HINT3: variants seen among roughly 807,000 people sequenced by gnomAD.
The protein encoded by HINT3 is histidine triad nucleotide binding protein 3, also known as adenosine 5'-monophosphoramidase HINT3.
A neutral mutation model predicts 19.1 loss-of-function variants in HINT3; 16 were observed. That is an observed-to-expected ratio of 0.84 (90% CI 0.57 to 1.27). HINT3 has a LOEUF of 1.27. HINT3 is among the 50% of genes most tolerant of loss of function. HINT3 has a pLI of 0.00. For missense variants in HINT3, 197 were observed against 225.8 expected, an observed-to-expected ratio of 0.87 and a Z score of 0.82; for synonymous variants, 75 against 84.8, an observed-to-expected ratio of 0.88 and a Z score of 0.63.
intron 1 of HINT3, among the ~76,000 whole-genome samples, chr6:125,958,976 G>A (rs550854988): frequency 3.3e-5 from 5 of 152,276 alleles, no homozygotes; most frequent in Non-Finnish European, 7.4e-5. Flanking sequence ...TCTGGCTAGG[G>A]TAAACTAGTA....
At chr6:125,958,609 A>G (rs1583586899) in intron 1 of HINT3, among the ~76,000 whole-genome samples, 2 of 152,248 alleles carry the variant, frequency 1.3e-5, no homozygotes, top group Non-Finnish European at 2.9e-5. Context: ...TAAGGGATAC[A>G]GTATTCAGGA....
At position 125,962,231 on chromosome 6, in the gene HINT3, T is replaced by TACAC. The variant is rs1474657877; in HGVS notation, c.202-4655_202-4654insCACA. 2.6e-4 allele frequency among the ~76,000 whole-genome samples: 8 copies of TACAC among 30,302 alleles called. 2 individuals are homozygous for TACAC. The highest frequency in any genetic ancestry group is 1.1e-3 in the African/African-American group (4 of 3,574). The allele number at this position is 30,302 out of a possible 152,430, so 19.9% of individuals were successfully genotyped here. On this transcript the variant is annotated intron_variant, in intron 1 of 4. Transcript: ENST00000229633. ...ATATACACATATATATATATATATA[T>TACAC]ATACACATATATATATATACACACA...
intron 2 of HINT3, among the ~76,000 whole-genome samples, chr6:125,968,899 C>A (rs574929075): frequency 2.9e-4 from 44 of 152,088 alleles, no homozygotes; most frequent in African/African-American, 1.0e-3. Context: ...ATTTACAGAT[C>A]CGGGATATTG....
intron 1 of HINT3, among the ~76,000 whole-genome samples, chr6:125,958,782 C>G (rs1374744412): frequency 6.6e-6 from 1 of 152,076 alleles, no homozygotes; most frequent in East Asian, 1.9e-4. Context: ...GGATAAAAGC[C>G]AGGGTTGCTA....
intron 2 of HINT3, among the ~76,000 whole-genome samples, chr6:125,969,336 G>A (rs1296606775): frequency 6.6e-6 from 1 of 151,976 alleles, no homozygotes; most frequent in Non-Finnish European, 1.5e-5. Flanking sequence ...TTTATTTCTG[G>A]GTTTTCTGTT....
chr6:125,959,822 G>A (rs1481820743), intron 1 of HINT3, among the ~76,000 whole-genome samples: 2 of 152,202 alleles, frequency 1.3e-5, no homozygotes, highest in Non-Finnish European at 2.9e-5. Context: ...CTGGGAAAGA[G>A]GAAACTCATT....
chr6:125,967,410 C>T (rs1183792316), intron 2 of HINT3, among the ~76,000 whole-genome samples: 2 of 146,596 alleles, frequency 1.4e-5, no homozygotes, highest in Non-Finnish European at 3.0e-5. Context: ...CGGCTCACTG[C>T]GGCCTCTGCC....
At chr6:125,966,531 G>T (rs1343061855) in intron 1 of HINT3, among the ~76,000 whole-genome samples, 1 of 152,182 alleles carries the variant, frequency 6.6e-6, no homozygotes, top group Non-Finnish European at 1.5e-5. Flanking sequence ...TTGTGATTCT[G>T]TAGCCAAACC....
chr6:125,966,298 G>T (rs1444233957), intron 1 of HINT3, among the ~76,000 whole-genome samples: 2 of 152,074 alleles, frequency 1.3e-5, no homozygotes, highest in African/African-American at 4.8e-5. Context: ...GTAGTGTAGT[G>T]GTCCCATAAA....
Position 125,978,709 on chromosome 6 carries a change from T to C in HINT3, c.*1033T>C, listed in dbSNP as rs1338532674. 3 of 152,308 alleles carry C rather than the reference T, an allele frequency of 2.0e-5. No homozygotes were observed. The highest frequency in any genetic ancestry group is 2.9e-5 in the Non-Finnish European group (2 of 68,028). The allele number at this position is 152,308 out of a possible 1,614,324, so 9.4% of individuals were successfully genotyped here. ...GTAAATGAATATGAATAAATGAACA[T>C]GAGGATTAACGAACTGTTGAAAATA... On this transcript the variant is annotated 3_prime_UTR_variant, in exon 5 of 5. Transcript: ENST00000229633.
At chr6:125,963,633 G>T (rs1170095412) in intron 1 of HINT3, among the ~76,000 whole-genome samples, 1 of 152,188 alleles carries the variant, frequency 6.6e-6, no homozygotes, top group Admixed American at 6.5e-5. Flanking sequence ...CTTCCCTGGG[G>T]CAGAGCAGAG....
chr6:125,972,735 G>C (rs1789119441), intron 3 of HINT3, among the ~76,000 whole-genome samples: 2 of 152,018 alleles, frequency 1.3e-5, no homozygotes, highest in Non-Finnish European at 2.9e-5. Context: ...CCACAGGCAA[G>C]TACTGCCACA....
chr6:125,967,153 T>C, intron 2 of HINT3, 149 bp downstream of exon 2: 1 of 534,478 alleles, frequency 1.9e-6, no homozygotes, highest in Non-Finnish European at 3.3e-6. Flanking sequence ...GAATTTTAAA[T>C]TCATTAAAAA....
Position 125,977,731 on chromosome 6 carries a change from AG to A in HINT3, c.*57del, listed in dbSNP as rs1197611375. The A allele has an allele frequency of 4.6e-6, 5 of 1,090,552 alleles. No homozygotes were observed. The highest frequency in any genetic ancestry group is 6.6e-6 in the Non-Finnish European group (5 of 759,230). 67.6% of individuals were successfully genotyped at this position (1,090,552 alleles called of 1,614,324 possible). A position where few individuals can be genotyped will look rare whatever the true frequency, so the allele number is the denominator to read the frequency against. On this transcript the variant is annotated 3_prime_UTR_variant, in exon 5 of 5. Coordinates refer to ENST00000229633, the MANE Select transcript of HINT3 (RefSeq NM_138571.5). Reference sequence around the variant, plus strand: ...CTTGGTTCAGCATGAAGTGGTATTTAGGTCCCTTTTAAGTCTAATTGCAATT... The same window carrying A: ...CTTGGTTCAGCATGAAGTGGTATTTAGTCCCTTTTAAGTCTAATTGCAATT...
At chr6:125,972,483 A>C (rs979974454) in intron 3 of HINT3, among the ~76,000 whole-genome samples, 155 bp downstream of exon 3, 18 of 152,216 alleles carry the variant, frequency 1.2e-4, no homozygotes, top group Admixed American at 3.9e-4. Flanking sequence ...GTATAAATGT[A>C]ATAAAACTTC....
intron 1 of HINT3, among the ~76,000 whole-genome samples, chr6:125,957,784 T>G (rs1247837232): frequency 6.6e-6 from 1 of 152,242 alleles, no homozygotes; most frequent in East Asian, 1.9e-4. Context: ...TGCCCAGATA[T>G]TTTTAAACGG....
At chr6:125,962,221 T>TACAC (rs1788943541) in intron 1 of HINT3, among the ~76,000 whole-genome samples, 2 of 40,868 alleles carry the variant, frequency 4.9e-5, no homozygotes, top group African/African-American at 3.2e-4. Context: ...CACATATATA[T>TACAC]ATATATATAT....
intron 4 of HINT3, 145 bp downstream of exon 4, chr6:125,975,118 A>G: frequency 1.6e-6 from 1 of 640,898 alleles, no homozygotes; most frequent in Non-Finnish European, 2.5e-6. Flanking sequence ...TATCCAAAAT[A>G]ATATTTTTAA....
chr6:125,964,012 T>A (rs905163208), intron 1 of HINT3, among the ~76,000 whole-genome samples: 1 of 152,224 alleles, frequency 6.6e-6, no homozygotes, highest in Non-Finnish European at 1.5e-5. Flanking sequence ...ATTTATTTAT[T>A]CAGCAGTTTG....
Sources: allele counts gnomAD v4.1 joint callset (sites outside exome capture counted in the v4.1 genomes callset), GRCh38; gene constraint gnomAD v4.1.1; transcripts MANE v1.5; gene names NCBI Gene and HGNC (gene_info 2026-07-23, HGNC 2026-07-21).